The following CFAP77 variants were observed in gnomAD, a reference collection of about 807,000 sequenced individuals.
CFAP77 encodes cilia and flagella associated protein 77, also known as cilia- and flagella-associated protein 77.
In CFAP77, 25 loss-of-function variants were observed where a neutral mutation model predicts 31.1. That is an observed-to-expected ratio of 0.80 (90% CI 0.59 to 1.12). CFAP77 has a LOEUF of 1.12. Ranked by LOEUF, CFAP77 falls within the 50% of genes most tolerant of loss-of-function variation. CFAP77 has a pLI of 0.00. For synonymous variants in CFAP77, 151 were observed against 159.9 expected (o/e 0.94, Z 0.42); for missense variants, 377 against 397.3 (o/e 0.95, Z 0.44).
rs899725720 is a variant in CFAP77 at position 132,498,073 on chromosome 9, G to A, written c.196-622G>A. Among the ~76,000 whole-genome samples the A allele has an allele frequency of 6.6e-6, 1 of 152,058 alleles. No individual in the cohort carries two copies. On this transcript the variant is annotated intron_variant, in intron 1 of 5. Coordinates refer to ENST00000393216, the MANE Select transcript of CFAP77 (RefSeq NM_001282957.2). The surrounding 1 kb of genome is among the most constrained non-coding windows in gnomAD (Gnocchi z 4.2). ...GGCGGCTAATGTGGTTGATGACAGG[G>A]CAATTTCATTTGCACAAACCACCTC...
At chr9:132,505,907 T>C (rs1851923808) in intron 3 of CFAP77, among the ~76,000 whole-genome samples, 1 of 152,208 alleles carries the variant, frequency 6.6e-6, no homozygotes, top group African/African-American at 2.4e-5. Context: ...TGTCCTCTGA[T>C]AACAGTATGA....
Position 132,565,737 on chromosome 9 carries a change from TGCCTTCCTG to T in CFAP77, c.733-6648_733-6640del, listed in dbSNP as rs761157704. ...TGTCTCCCTGGGTCCATGTGGGCTC[TGCCTTCCTG>T]GCAGGTGTGTTTCCAGGGCACTGCA... On this transcript the variant is annotated intron_variant, in intron 5 of 5. Coordinates refer to ENST00000393216, the MANE Select transcript of CFAP77 (RefSeq NM_001282957.2). The surrounding 1 kb of genome is among the most constrained non-coding windows in gnomAD (Gnocchi z 4.1). 1.7e-3 allele frequency among the ~76,000 whole-genome samples: 257 copies of T among 152,348 alleles called. No homozygotes were observed. The highest frequency in any genetic ancestry group is 3.3e-3 in the Non-Finnish European group (227 of 68,016).
chr9:132,418,530 C>T (rs1056793824), intron 1 of CFAP77, among the ~76,000 whole-genome samples: 4 of 152,228 alleles, frequency 2.6e-5, no homozygotes, highest in East Asian at 1.9e-4. Context: ...TGTTTGCTTC[C>T]GATTGTCTTC....
chr9:132,543,725 G>A (rs543175660), intron 5 of CFAP77, among the ~76,000 whole-genome samples: 40 of 152,310 alleles, frequency 2.6e-4, no homozygotes, highest in African/African-American at 8.9e-4. Context: ...TGTGCGACAC[G>A]TACCCAGACT....
chr9:132,463,711 C>T (rs560752669), intron 1 of CFAP77, among the ~76,000 whole-genome samples: 51 of 152,272 alleles, frequency 3.3e-4, no homozygotes, highest in African/African-American at 1.2e-3. Flanking sequence ...CAGTGGGCAC[C>T]GTCTCTTCCC....
At chr9:132,489,836 G>C (rs901316345) in intron 1 of CFAP77, among the ~76,000 whole-genome samples, 30 of 152,184 alleles carry the variant, frequency 2.0e-4, no homozygotes, top group African/African-American at 7.2e-4. Context: ...GGGGCACCGG[G>C]TGGCTGATCA....
At chr9:132,430,291 TGGG>T (rs993972854) in intron 1 of CFAP77, among the ~76,000 whole-genome samples, 7 of 152,126 alleles carry the variant, frequency 4.6e-5, no homozygotes, top group African/African-American at 1.4e-4. Flanking sequence ...ATTTGTGGGA[TGGG>T]GGGAGAAAAA....
chr9:132,553,732 G>A (rs535667352), intron 5 of CFAP77, among the ~76,000 whole-genome samples: 3 of 152,308 alleles, frequency 2.0e-5, no homozygotes, highest in Admixed American at 6.5e-5. Flanking sequence ...AACAGTGGAC[G>A]GCCTAGGCTC....
At chr9:132,519,772 GTGGATAGATGGATGGATGGA>G (rs1852233183) in intron 3 of CFAP77, among the ~76,000 whole-genome samples, 1 of 123,740 alleles carries the variant, frequency 8.1e-6, no homozygotes. Flanking sequence ...GGATGGATGG[GTGGATAGATGGATGGATGGA>G]TGGATGGATG....
intron 1 of CFAP77, among the ~76,000 whole-genome samples, chr9:132,483,045 G>A (rs1334945961): frequency 2.0e-5 from 3 of 151,520 alleles, no homozygotes; most frequent in Non-Finnish European, 4.4e-5. Context: ...GCTGAGGCAG[G>A]CAGATCACCT....
At chr9:132,438,541 A>ATATATATATATATATATGTATTTT in intron 1 of CFAP77, among the ~76,000 whole-genome samples, 26 of 108,124 alleles carry the variant, frequency 2.4e-4, no homozygotes, top group African/African-American at 9.8e-4. Context: ...ATATATATAT[A>ATATATATATATATATATGTATTTT]TTTTTTTTTT....
At chr9:132,435,821 T>C (rs950224250) in intron 1 of CFAP77, among the ~76,000 whole-genome samples, 3 of 152,188 alleles carry the variant, frequency 2.0e-5, no homozygotes, top group African/African-American at 7.2e-5. Context: ...TTTTCTAGAA[T>C]GTTTGGTGAT....
chr9:132,450,971 A>G (rs1850815686), intron 1 of CFAP77, among the ~76,000 whole-genome samples: 1 of 152,164 alleles, frequency 6.6e-6, no homozygotes, highest in Non-Finnish European at 1.5e-5. Flanking sequence ...GGATGTCAGG[A>G]TTTTGGCTTG....
chr9:132,419,787 A>G (rs1850177979), intron 1 of CFAP77, among the ~76,000 whole-genome samples: 2 of 152,154 alleles, frequency 1.3e-5, no homozygotes, highest in South Asian at 4.1e-4. Context: ...AGGAAACACA[A>G]GAGGTTGAAG....
intron 1 of CFAP77, among the ~76,000 whole-genome samples, chr9:132,423,860 A>G (rs1431193254): frequency 6.6e-6 from 1 of 152,214 alleles, no homozygotes; most frequent in Non-Finnish European, 1.5e-5. Context: ...CCTACATGTT[A>G]TGCCACACTG....
chr9:132,531,358 T>C (rs1852444641), intron 3 of CFAP77, among the ~76,000 whole-genome samples: 1 of 152,070 alleles, frequency 6.6e-6, no homozygotes, highest in African/African-American at 2.4e-5. Flanking sequence ...AACAAACCAA[T>C]GAATGAGCGC....
chr9:132,467,314 C>T (rs1052343196), intron 1 of CFAP77, among the ~76,000 whole-genome samples: 1 of 152,178 alleles, frequency 6.6e-6, no homozygotes, highest in Non-Finnish European at 1.5e-5. Context: ...TCTTGGAAAA[C>T]TGAAACCCTG....
At chr9:132,515,250 C>T (rs543532746) in intron 3 of CFAP77, among the ~76,000 whole-genome samples, 1 of 152,166 alleles carries the variant, frequency 6.6e-6, no homozygotes, top group East Asian at 1.9e-4. Flanking sequence ...AGACAGAGAA[C>T]CCCGGCTCGA....
At chr9:132,560,595 T>C (rs1852979230) in intron 5 of CFAP77, among the ~76,000 whole-genome samples, 1 of 152,210 alleles carries the variant, frequency 6.6e-6, no homozygotes, top group Non-Finnish European at 1.5e-5. Context: ...AAGGCACAAA[T>C]GCCTAGCTTT....
Sources: allele counts gnomAD v4.1 joint callset (sites outside exome capture counted in the v4.1 genomes callset), GRCh38; gene constraint gnomAD v4.1.1; non-coding constraint Gnocchi (gnomAD v3.1); transcripts MANE v1.5; gene names NCBI Gene and HGNC (gene_info 2026-07-23, HGNC 2026-07-21).